FABP12: variants seen among roughly 807,000 people sequenced by gnomAD.
FABP12 encodes fatty acid-binding protein 12.
Under a neutral mutation model 13.7 loss-of-function variants are expected in FABP12, and 19 were observed. The observed-to-expected ratio is 1.39, with a 90% CI of 0.97 to 2.04. FABP12 has a LOEUF of 2.04. Ranked by LOEUF, FABP12 falls within the 30% of genes most tolerant of loss-of-function variation. The pLI, the probability that FABP12 is intolerant of heterozygous loss-of-function variation, is 0.00. For synonymous variants in FABP12, 61 were observed against 57.0 expected, an observed-to-expected ratio of 1.07 and a Z score of -0.32; for missense variants, 182 against 164.2, an observed-to-expected ratio of 1.11 and a Z score of -0.59.
intron 1 of FABP12, among the ~76,000 whole-genome samples, chr8:81,581,028 G>C (rs1810148602): frequency 6.6e-6 from 1 of 152,022 alleles, no homozygotes; most frequent in Admixed American, 6.5e-5. Flanking sequence ...CTTTGCTTTT[G>C]ACTGCATGGC....
chr8:81,589,387 T>C (rs560732803), intron 1 of FABP12, among the ~76,000 whole-genome samples: 3 of 152,072 alleles, frequency 2.0e-5, no homozygotes, highest in Non-Finnish European at 4.4e-5. Context: ...TGAGACCTAG[T>C]ATCTACAAAA....
intron 1 of FABP12, among the ~76,000 whole-genome samples, chr8:81,585,026 C>T (rs1810221884): frequency 2.0e-5 from 3 of 152,046 alleles, no homozygotes; most frequent in Admixed American, 6.6e-5. Flanking sequence ...TCTTCCATTC[C>T]GTGGATTGTC....
chr8:81,578,079 A>C (rs1232657087), intron 1 of FABP12, among the ~76,000 whole-genome samples: 1 of 152,226 alleles, frequency 6.6e-6, no homozygotes, highest in Non-Finnish European at 1.5e-5. Flanking sequence ...CAGGTTAAAC[A>C]CCAGTGAACT....
chr8:81,584,912 C>T (rs1272167900), intron 1 of FABP12, among the ~76,000 whole-genome samples: 2 of 152,000 alleles, frequency 1.3e-5, no homozygotes, highest in East Asian at 3.8e-4. Flanking sequence ...TGTTGAGCAC[C>T]TTTTCATATA....
chr8:81,528,586 A>C, intron 3 of FABP12, among the ~76,000 whole-genome samples: 1 of 152,324 alleles, frequency 6.6e-6, no homozygotes, highest in East Asian at 1.9e-4. Context: ...TCATTCATTC[A>C]AATAATAAAT....
chr8:81,578,012 G>T (rs1266036718), intron 1 of FABP12, among the ~76,000 whole-genome samples: 2 of 152,202 alleles, frequency 1.3e-5, no homozygotes, highest in African/African-American at 2.4e-5. Context: ...TAGACCCATG[G>T]AAGGTTGATT....
upstream of FABP12, among the ~76,000 whole-genome samples, chr8:81,538,803 A>G (rs1809281426): frequency 6.6e-6 from 1 of 152,200 alleles, no homozygotes; most frequent in Non-Finnish European, 1.5e-5. Flanking sequence ...CTCATTTTAA[A>G]GAATCTTAGG....
chr8:81,568,943 G>T (rs1434215936), intron 1 of FABP12, among the ~76,000 whole-genome samples: 2 of 152,160 alleles, frequency 1.3e-5, no homozygotes. Flanking sequence ...AGAGTAGTAT[G>T]ATAGTTCCCA....
intron 1 of FABP12, among the ~76,000 whole-genome samples, chr8:81,540,043 T>G (rs1809310022): frequency 6.6e-6 from 1 of 152,190 alleles, no homozygotes; most frequent in Admixed American, 6.5e-5. Flanking sequence ...AATATATATT[T>G]CTAAAATTAT....
At chr8:81,561,411 A>G (rs1809722120) in intron 1 of FABP12, among the ~76,000 whole-genome samples, 2 of 152,212 alleles carry the variant, frequency 1.3e-5, no homozygotes, top group South Asian at 4.1e-4. Context: ...GGTGATATGG[A>G]AGGTAGACAA....
At chr8:81,556,798 G>T (rs532194364) in intron 1 of FABP12, among the ~76,000 whole-genome samples, 1 of 146,348 alleles carries the variant, frequency 6.8e-6, no homozygotes, top group Admixed American at 6.8e-5. Flanking sequence ...ATATATATAT[G>T]GTGCTTAAAA....
intron 1 of FABP12, among the ~76,000 whole-genome samples, chr8:81,548,356 A>G (rs538842777): frequency 6.6e-6 from 1 of 152,324 alleles, no homozygotes; most frequent in Non-Finnish European, 1.5e-5. Context: ...ATGCATATAA[A>G]TAGAACACAC....
At chr8:81,575,513 C>T (rs926348450) in intron 1 of FABP12, among the ~76,000 whole-genome samples, 2 of 152,142 alleles carry the variant, frequency 1.3e-5, no homozygotes, top group East Asian at 3.8e-4. Flanking sequence ...TCTTTGTTGA[C>T]TTTCTGTCTT....
At chr8:81,545,512 T>C (rs1024199904) in intron 1 of FABP12, among the ~76,000 whole-genome samples, 20 of 152,202 alleles carry the variant, frequency 1.3e-4, no homozygotes, top group African/African-American at 4.6e-4. Flanking sequence ...TTTGAAAAGA[T>C]TTGTGGTCAA....
intron 1 of FABP12, among the ~76,000 whole-genome samples, chr8:81,550,285 CA>C: frequency 6.6e-6 from 1 of 152,268 alleles, no homozygotes; most frequent in South Asian, 2.1e-4. Context: ...AATGATGTCT[CA>C]AAATGAAAAG....
intron 1 of FABP12, among the ~76,000 whole-genome samples, chr8:81,542,974 C>T (rs1329749719): frequency 1.3e-5 from 2 of 152,160 alleles, no homozygotes; most frequent in African/African-American, 2.4e-5. Flanking sequence ...AAAAGGCAAC[C>T]TGTGCTCTAA....
intron 1 of FABP12, among the ~76,000 whole-genome samples, chr8:81,562,356 C>T (rs1809738279): frequency 6.6e-6 from 1 of 152,144 alleles, no homozygotes; most frequent in South Asian, 2.1e-4. Context: ...CCTTGGGTGG[C>T]TGTGGGGAGG....
intron 1 of FABP12, among the ~76,000 whole-genome samples, chr8:81,587,599 C>T (rs752162294): frequency 4.6e-5 from 7 of 151,762 alleles, no homozygotes; most frequent in Non-Finnish European, 7.4e-5. Flanking sequence ...CGAGTAATGC[C>T]CAAACTGAGA....
At chr8:81,528,828 C>T (rs1401215566) in intron 3 of FABP12, among the ~76,000 whole-genome samples, 1 of 152,186 alleles carries the variant, frequency 6.6e-6, no homozygotes, top group Non-Finnish European at 1.5e-5. Context: ...GCCCATGTCT[C>T]TTTATCCTGG....
Sources: allele counts gnomAD v4.1 joint callset (sites outside exome capture counted in the v4.1 genomes callset), GRCh38; gene constraint gnomAD v4.1.1; transcripts MANE v1.5; gene names NCBI Gene and HGNC (gene_info 2026-07-23, HGNC 2026-07-21).